PRDM11: variants seen among roughly 807,000 people sequenced by gnomAD.
PRDM11 encodes PR/SET domain 11, also known as PR domain-containing protein 11.
Under a neutral mutation model 97.8 loss-of-function variants are expected in PRDM11, and 20 were observed. That is an observed-to-expected ratio of 0.20 (90% CI 0.14 to 0.30). The LOEUF (loss-of-function observed/expected upper bound fraction) is 0.30, where lower values mean the gene tolerates loss of function less well. Ranked by LOEUF, PRDM11 falls within the 10% of genes least tolerant of loss-of-function variation. PRDM11 has a pLI of 1.00. For missense variants in PRDM11, 1,139 were observed against 1,555.2 expected (o/e 0.73, Z 4.50); for synonymous variants, 599 against 637.7 (o/e 0.94, Z 0.91).
chr11:45,169,787 A>G (rs1400950660), intron 1 of PRDM11, among the ~76,000 whole-genome samples: 1 of 152,190 alleles, frequency 6.6e-6, no homozygotes, highest in East Asian at 1.9e-4. Flanking sequence ...ACCAGAGTCC[A>G]TGCTCTTAAC....
intron 1 of PRDM11, among the ~76,000 whole-genome samples, chr11:45,124,966 T>C (rs1011700584): frequency 9.8e-5 from 15 of 152,324 alleles, no homozygotes; most frequent in African/African-American, 3.6e-4. Context: ...ATCCATCTGG[T>C]CCTGGACTTT....
chr11:45,181,728 C>T (rs1184264472), intron 1 of PRDM11, 33 bp from the exon 2 acceptor site: 1 of 1,581,590 alleles, frequency 6.3e-7, no homozygotes, highest in Non-Finnish European at 8.7e-7. Context: ...CTTTGATCCT[C>T]TTCCTGTGCT....
chr11:45,180,705 C>T (rs1412748604), intron 1 of PRDM11, among the ~76,000 whole-genome samples: 1 of 149,706 alleles, frequency 6.7e-6, no homozygotes, highest in Non-Finnish European at 1.5e-5. Flanking sequence ...CCGGGCGGGC[C>T]GGGCCGGGCA....
At chr11:45,211,809 G>C (rs947822542) in intron 5 of PRDM11, among the ~76,000 whole-genome samples, 10 of 151,770 alleles carry the variant, frequency 6.6e-5, no homozygotes, top group African/African-American at 2.4e-4. Flanking sequence ...TTGGGTCATG[G>C]GTGCACCAAA....
intron 4 of PRDM11, among the ~76,000 whole-genome samples, chr11:45,201,808 A>G (rs115546908): frequency 0.014 from 2,128 of 152,188 alleles, 46 homozygotes; most frequent in African/African-American, 0.048. Flanking sequence ...TCTACTAAAA[A>G]AAAACACAAA....
At chr11:45,178,772 A>G (rs949461873) in intron 1 of PRDM11, among the ~76,000 whole-genome samples, 2 of 152,128 alleles carry the variant, frequency 1.3e-5, no homozygotes, top group African/African-American at 4.8e-5. Context: ...CAAGCGTATG[A>G]CCCTCAGAGT....
chr11:45,165,671 C>T (rs547827550), intron 1 of PRDM11, among the ~76,000 whole-genome samples: 5 of 152,342 alleles, frequency 3.3e-5, no homozygotes, highest in East Asian at 1.9e-4. Flanking sequence ...GCCAGCCCTT[C>T]GGATTTCCCA....
chr11:45,221,683 A>T (rs901412135), intron 6 of PRDM11, among the ~76,000 whole-genome samples: 3 of 151,974 alleles, frequency 2.0e-5, no homozygotes, highest in Non-Finnish European at 2.9e-5. Context: ...TTGAAAGGAG[A>T]TACACCGAGA....
intron 1 of PRDM11, among the ~76,000 whole-genome samples, chr11:45,113,901 C>A (rs1241012219): frequency 6.7e-6 from 1 of 148,180 alleles, no homozygotes; most frequent in Non-Finnish European, 1.5e-5. Flanking sequence ...TTTATCAGAT[C>A]TAGGAGCTTT....
chr11:45,164,482 G>A (rs747238407), intron 1 of PRDM11, among the ~76,000 whole-genome samples: 2 of 152,208 alleles, frequency 1.3e-5, no homozygotes, highest in Non-Finnish European at 2.9e-5. Context: ...GCGTGCAAGA[G>A]AAATGGAAAT....
chr11:45,171,684 A>T (rs1386924104), intron 1 of PRDM11, among the ~76,000 whole-genome samples: 2 of 152,182 alleles, frequency 1.3e-5, no homozygotes, highest in Non-Finnish European at 2.9e-5. Context: ...TGCCCCTTTG[A>T]TAGGGCAGTG....
Position 45,219,646 on chromosome 11 carries a change from G to A in PRDM11, c.631G>A (p.Ala211Thr). 1.9e-6 allele frequency: 3 copies of A among 1,614,134 alleles called. No homozygotes were observed. Among genetic ancestry groups the A allele is most frequent in the South Asian group, 1.1e-5 (1 of 91,068 alleles). ...FQHSERIYFR[A>T]CRDIRPGEWL... is the part of the protein sequence containing the mutation. ...GCACAGTGAGCGCATCTACTTCCGG[G>A]CGTGCAGGGACATCCGGCCTGGGGA... is the stretch of plus-strand genomic sequence containing the variant. Residue 211 changes from alanine to threonine, a missense_variant, in exon 6 of 8, where the codon GCG becomes ACG. By Grantham distance (58) the Ala-to-Thr change is moderately conservative. Transcript: ENST00000683152. This position sits in a 1 kb window ranked among gnomAD's most constrained non-coding sequence, Gnocchi z 4.2.
At chr11:45,112,662 T>C (rs985213733) in intron 1 of PRDM11, among the ~76,000 whole-genome samples, 3 of 152,218 alleles carry the variant, frequency 2.0e-5, no homozygotes, top group African/African-American at 7.2e-5. Flanking sequence ...CTCATTGTGG[T>C]TTGGATTTGC....
At chr11:45,175,331 T>C (rs1239587923) in intron 1 of PRDM11, among the ~76,000 whole-genome samples, 1 of 152,230 alleles carries the variant, frequency 6.6e-6, no homozygotes, top group East Asian at 1.9e-4. Context: ...CCTCTGATCT[T>C]TTTACAGCCT....
At chr11:45,146,040 T>G (rs1363755120), upstream of PRDM11, among the ~76,000 whole-genome samples, 1 of 152,152 alleles carries the variant, frequency 6.6e-6, no homozygotes, top group East Asian at 1.9e-4. Context: ...TATTTTGACT[T>G]GAAGAACATG....
chr11:45,177,078 CCTT>C (rs1852343882), intron 1 of PRDM11, among the ~76,000 whole-genome samples: 1 of 152,180 alleles, frequency 6.6e-6, no homozygotes, highest in African/African-American at 2.4e-5. Context: ...CCAGAGTAAA[CCTT>C]CTAGATTCTC....
At chr11:45,124,084 G>A (rs1425532460) in intron 1 of PRDM11, among the ~76,000 whole-genome samples, 1 of 147,902 alleles carries the variant, frequency 6.8e-6, no homozygotes, top group Admixed American at 6.8e-5. Flanking sequence ...TGGATTCCTA[G>A]GTATTTTATT....
intron 4 of PRDM11, among the ~76,000 whole-genome samples, chr11:45,188,894 T>C (rs1019508259): frequency 1.3e-5 from 2 of 152,118 alleles, no homozygotes; most frequent in Admixed American, 6.6e-5. Flanking sequence ...TGGGATTTTT[T>C]GTTTGTTTGT....
At chr11:45,109,117 A>G (rs1277803088) in intron 1 of PRDM11, among the ~76,000 whole-genome samples, 1 of 152,156 alleles carries the variant, frequency 6.6e-6, no homozygotes, top group Non-Finnish European at 1.5e-5. Context: ...CCCCTCAGGA[A>G]AGGTTGAGTC....
Sources: gnomAD v4.1 joint callset for allele counts (sites outside exome capture counted in the v4.1 genomes callset) on GRCh38, gnomAD v4.1.1 for gene constraint, Gnocchi (gnomAD v3.1) non-coding constraint, MANE v1.5 for transcripts, NCBI Gene and HGNC (gene_info 2026-07-23, HGNC 2026-07-21) for gene names.